KIAA0825: variants seen among roughly 807,000 people sequenced by gnomAD.
KIAA0825 encodes uncharacterized protein KIAA0825.
KIAA0825 carries 119 observed loss-of-function variants against 147.6 expected under a neutral mutation model. That is an observed-to-expected ratio of 0.81 (90% confidence interval 0.69 to 0.94). KIAA0825 has a LOEUF of 0.94. Among genes scored for constraint, KIAA0825 ranks in the 40% least tolerant of loss-of-function variants. KIAA0825 has a pLI of 0.00. For synonymous variants in KIAA0825, 470 were observed against 518.1 expected, an observed-to-expected ratio of 0.91 and a Z score of 1.26; for missense variants, 1,381 against 1,472.7, an observed-to-expected ratio of 0.94 and a Z score of 1.02.
intron 2 of KIAA0825, among the ~76,000 whole-genome samples, chr5:94,559,204 C>T (rs1388729669): frequency 2.6e-5 from 4 of 152,168 alleles, no homozygotes; most frequent in Non-Finnish European, 5.9e-5. Flanking sequence ...TCAAGCAAAT[C>T]AACTGCATTT....
intron 9 of KIAA0825, among the ~76,000 whole-genome samples, chr5:94,470,602 A>G (rs1761098668): frequency 6.6e-6 from 1 of 152,248 alleles, no homozygotes; most frequent in Admixed American, 6.5e-5. Context: ...GAAATATTAA[A>G]TAAAATGATT....
intron 20 of KIAA0825, among the ~76,000 whole-genome samples, chr5:94,264,573 CT>C (rs2150135690): frequency 6.6e-6 from 1 of 152,234 alleles, no homozygotes; most frequent in African/African-American, 2.4e-5. Context: ...TCATAAATAT[CT>C]TTTATTTGCA....
At chr5:94,366,503 C>A (rs1745878046) in intron 20 of KIAA0825, among the ~76,000 whole-genome samples, 1 of 152,150 alleles carries the variant, frequency 6.6e-6, no homozygotes, top group African/African-American at 2.4e-5. Flanking sequence ...ACTATTTAAT[C>A]CCTGGCCCCA....
intron 5 of KIAA0825, among the ~76,000 whole-genome samples, chr5:94,517,113 A>G (rs1400346912): frequency 6.6e-6 from 1 of 152,182 alleles, no homozygotes; most frequent in Non-Finnish European, 1.5e-5. Flanking sequence ...AAAAAACAAA[A>G]AAAGTGAAAG....
chr5:94,585,495 C>T (rs559245257), intron 1 of KIAA0825, among the ~76,000 whole-genome samples: 1 of 152,246 alleles, frequency 6.6e-6, no homozygotes, highest in South Asian at 2.1e-4. Context: ...GCTAACTATC[C>T]TAAACATATA....
intron 2 of KIAA0825, among the ~76,000 whole-genome samples, chr5:94,577,510 C>T (rs1781293719): frequency 6.6e-6 from 1 of 152,174 alleles, no homozygotes; most frequent in Non-Finnish European, 1.5e-5. Context: ...GATACCTGGG[C>T]CCCATCCCAG....
chr5:94,411,163 G>C (rs1645629092), intron 15 of KIAA0825, among the ~76,000 whole-genome samples: 1 of 151,930 alleles, frequency 6.6e-6, no homozygotes, highest in Non-Finnish European at 1.5e-5. Flanking sequence ...AACTGTGATG[G>C]GTTAAAGATA....
chr5:94,569,490 C>T (rs367897832), intron 2 of KIAA0825: 6 of 410,082 alleles, frequency 1.5e-5, no homozygotes, highest in East Asian at 3.6e-5. Flanking sequence ...ACTACAACCA[C>T]GACCAATGAT....
intron 3 of KIAA0825, among the ~76,000 whole-genome samples, chr5:94,536,555 A>G (rs776887380): frequency 1.9e-4 from 29 of 152,234 alleles, no homozygotes; most frequent in Middle Eastern, 6.4e-3. Flanking sequence ...TGACTAATCT[A>G]GCATAACAAC....
At chr5:94,165,692 C>T (rs981380529) in intron 20 of KIAA0825, among the ~76,000 whole-genome samples, 1 of 152,266 alleles carries the variant, frequency 6.6e-6, no homozygotes, top group Admixed American at 6.5e-5. Flanking sequence ...GAGATCCTGT[C>T]ATTTGCAACA....
chr5:94,587,423 T>G (rs1014607238), intron 1 of KIAA0825, among the ~76,000 whole-genome samples: 2 of 152,150 alleles, frequency 1.3e-5, no homozygotes, highest in Admixed American at 6.5e-5. Flanking sequence ...AGCCAAATCA[T>G]GAGTGAAATC....
intron 12 of KIAA0825, among the ~76,000 whole-genome samples, chr5:94,453,940 AT>A (rs1391249847): frequency 1.3e-5 from 2 of 151,936 alleles, no homozygotes; most frequent in Non-Finnish European, 2.9e-5. Context: ...TTTATAATTA[AT>A]TTTTTATGCT....
chr5:94,401,789 G>A (rs1463599234), intron 16 of KIAA0825, among the ~76,000 whole-genome samples: 1 of 152,092 alleles, frequency 6.6e-6, no homozygotes, highest in African/African-American at 2.4e-5. Context: ...CTGTACTTAG[G>A]TTTATCTCTG....
At chr5:94,307,485 G>A (rs1453632307) in intron 20 of KIAA0825, among the ~76,000 whole-genome samples, 1 of 151,690 alleles carries the variant, frequency 6.6e-6, no homozygotes, top group Non-Finnish European at 1.5e-5. Context: ...GGAATATAAG[G>A]CCCACTGTGA....
At chr5:94,228,043 T>C (rs567085819) in intron 20 of KIAA0825, among the ~76,000 whole-genome samples, 2 of 152,184 alleles carry the variant, frequency 1.3e-5, no homozygotes, top group Non-Finnish European at 2.9e-5. Context: ...AAAAAGGATC[T>C]AGTTAAATGT....
chr5:94,312,882 G>A (rs1051948833), intron 20 of KIAA0825, among the ~76,000 whole-genome samples: 2 of 151,470 alleles, frequency 1.3e-5, no homozygotes, highest in Admixed American at 6.6e-5. Flanking sequence ...AAACATTTTT[G>A]ATAACTCTGT....
intron 2 of KIAA0825, among the ~76,000 whole-genome samples, chr5:94,576,045 G>A (rs1443483018): frequency 3.9e-5 from 6 of 152,104 alleles, no homozygotes; most frequent in Non-Finnish European, 8.8e-5. Flanking sequence ...TGAGTAGGCC[G>A]TACAAGTGGA....
At chr5:94,205,378 T>C (rs946855969) in intron 20 of KIAA0825, among the ~76,000 whole-genome samples, 10 of 150,248 alleles carry the variant, frequency 6.7e-5, no homozygotes, top group African/African-American at 2.4e-4. Context: ...CTCGGCTCAC[T>C]GCAACCTCCG....
intron 4 of KIAA0825, among the ~76,000 whole-genome samples, chr5:94,522,220 C>T (rs1488494545): frequency 2.0e-5 from 3 of 151,608 alleles, no homozygotes; most frequent in African/African-American, 7.2e-5. Flanking sequence ...TGATCCCTGG[C>T]TTCTTTCTCT....
Sources: allele counts gnomAD v4.1 joint callset (sites outside exome capture counted in the v4.1 genomes callset), GRCh38; gene constraint gnomAD v4.1.1; transcripts MANE v1.5; gene names NCBI Gene and HGNC (gene_info 2026-07-23, HGNC 2026-07-21).